Variants in NOS1AP observed in about 807,000 individuals in gnomAD.
The protein encoded by NOS1AP is carboxyl-terminal PDZ ligand of neuronal nitric oxide synthase protein.
In NOS1AP, 21 loss-of-function variants were observed where a neutral mutation model predicts 56.2. The observed-to-expected ratio is 0.37, with a 90% CI of 0.26 to 0.54. The LOEUF is 0.54. Among genes scored for constraint, NOS1AP ranks in the 20% least tolerant of loss-of-function variants. NOS1AP has a pLI of 0.84. For missense variants in NOS1AP, 522 were observed against 657.8 expected, an observed-to-expected ratio of 0.79 and a Z score of 2.26; for synonymous variants, 270 against 274.6, an observed-to-expected ratio of 0.98 and a Z score of 0.17.
intron 6 of NOS1AP, among the ~76,000 whole-genome samples, chr1:162,345,524 A>G (rs1056088397): frequency 2.0e-5 from 3 of 152,340 alleles, no homozygotes; most frequent in African/African-American, 7.2e-5. Context: ...CAGCACTCAG[A>G]GGAAAATTCA....
rs965015836 is a variant in NOS1AP, at chr1:162,120,328, T to G, written c.106-34077T>G. On this transcript the variant is annotated intron_variant, in intron 1 of 9. Transcript: ENST00000361897. ...AGTGCTCACAATTGAGGAATTTTTATGTAAGTGGCCAAATGATAAAAATTT... is the reference window on the plus strand; with the variant it reads ...AGTGCTCACAATTGAGGAATTTTTAGGTAAGTGGCCAAATGATAAAAATTT... 5.9e-5 allele frequency among the ~76,000 whole-genome samples: 9 copies of G among 152,316 alleles called. No homozygotes were observed. In the East Asian group the frequency reaches 1.7e-3, roughly 29 times the overall value.
At chr1:162,138,781 TA>T (rs1649109098) in intron 1 of NOS1AP, among the ~76,000 whole-genome samples, 3 of 152,196 alleles carry the variant, frequency 2.0e-5, no homozygotes, top group Non-Finnish European at 2.9e-5. Context: ...GTGGCACCCC[TA>T]GTGTGCCAGG....
At chr1:162,235,601 CT>C (rs1479613463) in intron 2 of NOS1AP, among the ~76,000 whole-genome samples, 1 of 152,180 alleles carries the variant, frequency 6.6e-6, no homozygotes, top group Non-Finnish European at 1.5e-5. Flanking sequence ...GAGATCAAAG[CT>C]TCAGTGGCCA....
intron 1 of NOS1AP, among the ~76,000 whole-genome samples, chr1:162,094,115 C>T (rs1036523181): frequency 6.6e-6 from 1 of 152,158 alleles, no homozygotes; most frequent in Non-Finnish European, 1.5e-5. Flanking sequence ...TAGACTCGCA[C>T]CAATGGCAGA....
chr1:162,148,200 T>C (rs1558122465), intron 1 of NOS1AP, among the ~76,000 whole-genome samples: 2 of 152,332 alleles, frequency 1.3e-5, no homozygotes, highest in East Asian at 3.9e-4. Context: ...GGACTCAGGA[T>C]GCTCCTCAGA....
chr1:162,071,297 G>A (rs1444602199), intron 1 of NOS1AP, among the ~76,000 whole-genome samples: 1 of 152,212 alleles, frequency 6.6e-6, no homozygotes, highest in East Asian at 1.9e-4. Context: ...TACTTTGGAT[G>A]TGGCGACAGT....
At chr1:162,252,534 C>T (rs1653899354) in intron 2 of NOS1AP, among the ~76,000 whole-genome samples, 1 of 152,162 alleles carries the variant, frequency 6.6e-6, no homozygotes, top group South Asian at 2.1e-4. Flanking sequence ...CCATTCTGTG[C>T]ACTCTAATTG....
At chr1:162,142,587 G>A (rs1558119442) in intron 1 of NOS1AP, among the ~76,000 whole-genome samples, 1 of 152,106 alleles carries the variant, frequency 6.6e-6, no homozygotes, top group South Asian at 2.1e-4. Context: ...GTATGTTGCC[G>A]AATTTGTCTT....
intron 2 of NOS1AP, among the ~76,000 whole-genome samples, chr1:162,235,172 T>G (rs1653248780): frequency 6.6e-6 from 1 of 152,044 alleles, no homozygotes; most frequent in Admixed American, 6.6e-5. Flanking sequence ...TGTTATGAGG[T>G]TTAGATCCTG....
rs182841561 is a variant in NOS1AP, at chr1:162,097,089, G to A, written c.105+26807G>A. Among the ~76,000 whole-genome samples the A allele has an allele frequency of 1.3e-3, 196 of 150,470 alleles. 3 individuals are homozygous for A. In the East Asian group the frequency reaches 0.03, roughly 23 times the overall value. ...TACACCCCTGGTAACCCTTGGTTTT[G>A]TTATCCTTAACAGTTTTTGCCAGTA... On this transcript the variant is annotated intron_variant, in intron 1 of 9. Coordinates refer to ENST00000361897, the MANE Select transcript of NOS1AP (RefSeq NM_014697.3).
chr1:162,139,741 G>T (rs1649154398), intron 1 of NOS1AP, among the ~76,000 whole-genome samples: 2 of 152,238 alleles, frequency 1.3e-5, no homozygotes, highest in South Asian at 4.2e-4. Context: ...AGACAAATCT[G>T]TACCCTTGCT....
chr1:162,106,238 G>T (rs1010542165), intron 1 of NOS1AP, among the ~76,000 whole-genome samples: 14 of 152,146 alleles, frequency 9.2e-5, no homozygotes, highest in Admixed American at 7.9e-4. Flanking sequence ...GGTTCCCTTG[G>T]CTCCGTGCAG....
intron 1 of NOS1AP, among the ~76,000 whole-genome samples, chr1:162,071,007 C>T (rs1054383621): frequency 6.6e-6 from 1 of 152,042 alleles, no homozygotes; most frequent in Admixed American, 6.6e-5. Context: ...GAGCAGAAGC[C>T]TCGGCCCTGG....
chr1:162,344,885 AAC>A (rs1657226617), intron 6 of NOS1AP, among the ~76,000 whole-genome samples: 1 of 152,204 alleles, frequency 6.6e-6, no homozygotes, highest in Non-Finnish European at 1.5e-5. Context: ...AAAGTTCAAT[AAC>A]ACATACAGCT....
rs139119014 is a variant in NOS1AP, at chr1:162,242,716, G to A, written c.178-44628G>A. Among the ~76,000 whole-genome samples, 256 of 152,280 alleles carry A rather than the reference G, an allele frequency of 1.7e-3. 3 individuals carry two copies. The highest frequency in any genetic ancestry group is 5.6e-3 in the African/African-American group (233 of 41,552). ...CAGATGTAATTTGTTATATAGAAAT[G>A]ATAGCTCTAATCATCAGCCTCCAAG... On this transcript the variant is annotated intron_variant, in intron 2 of 9. Coordinates refer to ENST00000361897, the MANE Select transcript of NOS1AP (RefSeq NM_014697.3).
chr1:162,319,413 A>T (rs1198061909), intron 4 of NOS1AP, among the ~76,000 whole-genome samples: 1 of 150,906 alleles, frequency 6.6e-6, no homozygotes, highest in African/African-American at 2.4e-5. Context: ...TTAGACTCCC[A>T]TCCTTGCCCT....
intron 8 of NOS1AP, chr1:162,364,723 G>T: frequency 1.0e-6 from 1 of 985,934 alleles, no homozygotes; most frequent in South Asian, 4.7e-5. Context: ...GTAATATGTG[G>T]TATGAATCAT....
At chr1:162,214,158 G>C (rs1652463132) in intron 2 of NOS1AP, among the ~76,000 whole-genome samples, 1 of 152,202 alleles carries the variant, frequency 6.6e-6, no homozygotes, top group Admixed American at 6.5e-5. Context: ...TCTTTGGTGT[G>C]CCTGTGGGAC....
At chr1:162,141,349 T>TA (rs1284990329) in intron 1 of NOS1AP, among the ~76,000 whole-genome samples, 4 of 152,252 alleles carry the variant, frequency 2.6e-5, no homozygotes, top group Non-Finnish European at 4.4e-5. Context: ...TATATATTTT[T>TA]ATTTTTAGAG....
Sources: gnomAD v4.1 joint callset for allele counts (sites outside exome capture counted in the v4.1 genomes callset) on GRCh38, gnomAD v4.1.1 for gene constraint, MANE v1.5 for transcripts, NCBI Gene and HGNC (gene_info 2026-07-23, HGNC 2026-07-21) for gene names.